The following HS3ST5 variants were observed in gnomAD, a reference collection of about 807,000 sequenced individuals.
HS3ST5 encodes the protein heparan sulfate glucosamine 3-O-sulfotransferase 5.
HS3ST5 carries 10 observed loss-of-function variants against 25.4 expected under a neutral mutation model. That is an observed-to-expected ratio of 0.39 (90% confidence interval 0.24 to 0.67). The LOEUF is 0.67. Ranked by LOEUF, HS3ST5 falls within the 30% of genes least tolerant of loss-of-function variation. HS3ST5 has a pLI of 0.44. For missense variants in HS3ST5, 324 were observed against 420.7 expected, an observed-to-expected ratio of 0.77 and a Z score of 2.01; for synonymous variants, 170 against 162.4, an observed-to-expected ratio of 1.05 and a Z score of -0.36.
At chr6:114,129,098 A>G (rs556828956) in intron 3 of HS3ST5, among the ~76,000 whole-genome samples, 47 of 152,316 alleles carry the variant, frequency 3.1e-4, no homozygotes, top group Middle Eastern at 6.8e-3. Flanking sequence ...AAGTGAGAAT[A>G]TAAATCCTTT....
At chr6:114,242,351 C>T (rs567223978) in intron 1 of HS3ST5, among the ~76,000 whole-genome samples, 75 of 152,092 alleles carry the variant, frequency 4.9e-4, no homozygotes, top group African/African-American at 1.8e-3. Context: ...TCATGTGACT[C>T]ATGATGTATT....
At chr6:114,305,695 C>T (rs901223829) in intron 1 of HS3ST5, among the ~76,000 whole-genome samples, 8 of 152,172 alleles carry the variant, frequency 5.3e-5, no homozygotes, top group African/African-American at 1.9e-4. Flanking sequence ...TGTCTCTTCT[C>T]CTTCTCTTCA....
At chr6:114,250,872 T>C (rs1271202637) in intron 1 of HS3ST5, among the ~76,000 whole-genome samples, 2 of 152,208 alleles carry the variant, frequency 1.3e-5, no homozygotes, top group Non-Finnish European at 2.9e-5. Flanking sequence ...TGCTTACTCA[T>C]GACTAAAAAG....
intron 1 of HS3ST5, among the ~76,000 whole-genome samples, chr6:114,326,226 T>TA (rs1282845072): frequency 6.6e-6 from 1 of 151,986 alleles, no homozygotes; most frequent in Non-Finnish European, 1.5e-5. Context: ...CCATCTCTAC[T>TA]AAAAATATAA....
At chr6:114,334,398 A>G (rs1320238873) in intron 1 of HS3ST5, among the ~76,000 whole-genome samples, 1 of 152,184 alleles carries the variant, frequency 6.6e-6, no homozygotes, top group South Asian at 2.1e-4. Context: ...ACAGACAGCT[A>G]GCTCACCAGA....
At chr6:114,069,464 G>A (rs1773657217) in intron 3 of HS3ST5, among the ~76,000 whole-genome samples, 1 of 151,236 alleles carries the variant, frequency 6.6e-6, no homozygotes, top group Non-Finnish European at 1.5e-5. Context: ...CAAAGAACAT[G>A]ACCCCATGAT....
intron 1 of HS3ST5, among the ~76,000 whole-genome samples, chr6:114,323,643 A>G (rs951213870): frequency 1.3e-5 from 2 of 152,180 alleles, no homozygotes; most frequent in African/African-American, 4.8e-5. Flanking sequence ...GATAACATAT[A>G]ATGCATGTTA....
chr6:114,102,312 G>C (rs1029434233), intron 3 of HS3ST5, among the ~76,000 whole-genome samples: 1 of 152,130 alleles, frequency 6.6e-6, no homozygotes, highest in Non-Finnish European at 1.5e-5. Flanking sequence ...TTCTACCTGA[G>C]GTCTTTGCCA....
intron 1 of HS3ST5, among the ~76,000 whole-genome samples, chr6:114,272,447 C>T (rs117866071): frequency 2.4e-3 from 359 of 152,226 alleles, no homozygotes; most frequent in Admixed American, 3.3e-3. Context: ...TGTTTTTAAG[C>T]TTTGCAGAGA....
intron 1 of HS3ST5, among the ~76,000 whole-genome samples, chr6:114,320,994 C>T (rs1049042451): frequency 2.6e-5 from 4 of 151,220 alleles, no homozygotes; most frequent in East Asian, 3.9e-4. Context: ...GAACTCCTGG[C>T]CTCAGGCAGT....
intron 1 of HS3ST5, among the ~76,000 whole-genome samples, chr6:114,281,210 A>G (rs1053035663): frequency 9.9e-5 from 15 of 151,988 alleles, no homozygotes; most frequent in Admixed American, 3.3e-4. Flanking sequence ...CCGCATCCTT[A>G]GTCCGTAGTA....
intron 3 of HS3ST5, among the ~76,000 whole-genome samples, chr6:114,104,764 T>C (rs1194355584): frequency 1.3e-5 from 2 of 152,192 alleles, no homozygotes; most frequent in African/African-American, 2.4e-5. Flanking sequence ...AAGTTACCCA[T>C]GGATTAAGGG....
At chr6:114,071,689 G>A (rs1773834905) in intron 3 of HS3ST5, among the ~76,000 whole-genome samples, 1 of 152,058 alleles carries the variant, frequency 6.6e-6, no homozygotes, top group Non-Finnish European at 1.5e-5. Context: ...CTTTAGATGT[G>A]GTACTTTGTC....
rs911605596 is a variant in HS3ST5, at chr6:114,342,767, A to G, written c.-911T>C. ...CAGCCCGCTCCCTCCCAATCCGCCC[A>G]AAAGAGCAACACTCAGTGTGACTGG... On this transcript the variant is annotated 5_prime_UTR_variant, in exon 1 of 5. Transcript: ENST00000312719. 4 of 152,590 alleles carry G rather than the reference A, an allele frequency of 2.6e-5. No individual in the cohort carries two copies. The highest frequency in any genetic ancestry group is 9.6e-5 in the African/African-American group (4 of 41,574). The allele number at this position is 152,590 out of a possible 1,614,324, so 9.5% of individuals were successfully genotyped here.
intron 1 of HS3ST5, among the ~76,000 whole-genome samples, chr6:114,337,515 AT>A (rs1448072583): frequency 6.6e-6 from 1 of 152,188 alleles, no homozygotes; most frequent in Non-Finnish European, 1.5e-5. Context: ...AACTACTTAA[AT>A]ATGGCATCGG....
At chr6:114,253,418 G>A (rs1264132878) in intron 1 of HS3ST5, among the ~76,000 whole-genome samples, 1 of 152,128 alleles carries the variant, frequency 6.6e-6, no homozygotes, top group Admixed American at 6.5e-5. Context: ...ACTGAGTTTT[G>A]CTTAGTTTTG....
intron 1 of HS3ST5, among the ~76,000 whole-genome samples, chr6:114,306,294 A>AT (rs1775295391): frequency 1.4e-5 from 2 of 143,102 alleles, no homozygotes; most frequent in Middle Eastern, 3.4e-3. Flanking sequence ...TATATATATA[A>AT]AATATATATT....
At chr6:114,059,983 C>T (rs368043542) in intron 4 of HS3ST5, among the ~76,000 whole-genome samples, 1 of 151,366 alleles carries the variant, frequency 6.6e-6, no homozygotes, top group Non-Finnish European at 1.5e-5. Flanking sequence ...AACTCATGCT[C>T]ATTGTGGAAA....
intron 3 of HS3ST5, among the ~76,000 whole-genome samples, chr6:114,136,527 C>A (rs891591470): frequency 2.3e-4 from 35 of 152,310 alleles, no homozygotes; most frequent in African/African-American, 7.7e-4. Context: ...GACTAATACA[C>A]CCTGTATCTC....
Sources: gnomAD v4.1 joint callset for allele counts (sites outside exome capture counted in the v4.1 genomes callset) on GRCh38, gnomAD v4.1.1 for gene constraint, MANE v1.5 for transcripts, NCBI Gene and HGNC (gene_info 2026-07-23, HGNC 2026-07-21) for gene names.